MICU1: variants seen among roughly 807,000 people sequenced by gnomAD.
MICU1 encodes calcium uptake protein 1, mitochondrial.
MICU1 carries 45 observed loss-of-function variants against 56.8 expected under a neutral mutation model. The observed-to-expected ratio is 0.79, with a 90% CI of 0.62 to 1.02. The LOEUF (loss-of-function observed/expected upper bound fraction) is 1.02. Ranked by LOEUF, MICU1 falls within the 50% of genes least tolerant of loss-of-function variation. The pLI is 0.00. For synonymous variants in MICU1, 186 were observed against 195.1 expected (o/e 0.95, Z 0.39); for missense variants, 504 against 587.1 (o/e 0.86, Z 1.46).
At chr10:72,587,245 A>G (rs1841086818) in intron 1 of MICU1, among the ~76,000 whole-genome samples, 1 of 152,104 alleles carries the variant, frequency 6.6e-6, no homozygotes, top group African/African-American at 2.4e-5. Context: ...GACTGAGGTA[A>G]GAGGATTGCT....
At chr10:72,395,419 A>C (rs1382968600) in intron 10 of MICU1, among the ~76,000 whole-genome samples, 2 of 152,134 alleles carry the variant, frequency 1.3e-5, no homozygotes, top group East Asian at 3.9e-4. Context: ...GGTTCATCTC[A>C]TTGGGACTGG....
At chr10:72,596,177 G>A (rs182075902) in intron 1 of MICU1, among the ~76,000 whole-genome samples, 17 of 151,958 alleles carry the variant, frequency 1.1e-4, no homozygotes, top group African/African-American at 4.1e-4. Flanking sequence ...GTAGAGATGG[G>A]GTTTCACTGT....
intron 4 of MICU1, among the ~76,000 whole-genome samples, chr10:72,540,816 G>A (rs558002064): frequency 5.9e-5 from 9 of 152,312 alleles, no homozygotes; most frequent in African/African-American, 2.2e-4. Flanking sequence ...TAGCAGATGG[G>A]ACATAAGCAT....
At chr10:72,405,276 A>G (rs1054125253) in intron 10 of MICU1, among the ~76,000 whole-genome samples, 1 of 147,456 alleles carries the variant, frequency 6.8e-6, no homozygotes, top group Non-Finnish European at 1.5e-5. Flanking sequence ...ATGGAGTGCA[A>G]TGGCGCAATC....
chr10:72,585,998 TTTC>T (rs1841041662), intron 1 of MICU1, among the ~76,000 whole-genome samples: 1 of 136,896 alleles, frequency 7.3e-6, no homozygotes, highest in South Asian at 2.3e-4. Flanking sequence ...GTTTTTATTT[TTTC>T]TTTTTTTTTT....
chr10:72,370,802 G>A (rs1366900134), intron 11 of MICU1, among the ~76,000 whole-genome samples: 1 of 152,080 alleles, frequency 6.6e-6, no homozygotes, highest in African/African-American at 2.4e-5. Flanking sequence ...AGGCCGAGGC[G>A]GGCAGATTGC....
chr10:72,403,143 C>A (rs7091303), intron 10 of MICU1, among the ~76,000 whole-genome samples: 2 of 151,868 alleles, frequency 1.3e-5, no homozygotes, highest in Non-Finnish European at 2.9e-5. Context: ...TTTGGGAGGC[C>A]GAGGTGGGTG....
At chr10:72,528,134 T>G (rs960610150) in intron 5 of MICU1, among the ~76,000 whole-genome samples, 1 of 152,182 alleles carries the variant, frequency 6.6e-6, no homozygotes, top group South Asian at 2.1e-4. Context: ...CCCAGAAATT[T>G]CACTTCAAAC....
intron 3 of MICU1, among the ~76,000 whole-genome samples, chr10:72,552,513 C>T (rs1174974186): frequency 2.6e-5 from 4 of 151,896 alleles, no homozygotes; most frequent in African/African-American, 4.8e-5. Flanking sequence ...AGCAATTTAC[C>T]AATGTTAAGA....
intron 8 of MICU1, among the ~76,000 whole-genome samples, chr10:72,435,685 C>T (rs1864688323): frequency 6.6e-6 from 1 of 152,198 alleles, no homozygotes; most frequent in East Asian, 1.9e-4. Flanking sequence ...CACTCCTGCC[C>T]AAATACTGTG....
At chr10:72,374,422 G>A (rs1271087545) in intron 11 of MICU1, among the ~76,000 whole-genome samples, 1 of 152,106 alleles carries the variant, frequency 6.6e-6, no homozygotes, top group Non-Finnish European at 1.5e-5. Context: ...CACCACGCCA[G>A]GCCAAGGCTA....
intron 6 of MICU1, among the ~76,000 whole-genome samples, chr10:72,482,693 G>A (rs1004307852): frequency 6.6e-6 from 1 of 151,588 alleles, no homozygotes; most frequent in African/African-American, 2.4e-5. Context: ...TTATATGATG[G>A]CCCTCTGAAT....
At position 72,440,257 on chromosome 10, in the gene MICU1, T is replaced by G. The variant is rs555159472; in HGVS notation, c.934-16886A>C. Among the ~76,000 whole-genome samples the G allele has an allele frequency of 3.9e-5, 6 of 152,164 alleles. No homozygotes were observed. The South Asian group carries it at 1.2e-3, about 32-fold the overall frequency. ...CAGAAATAACACCATACATCTACAA[T>G]CATCTGATCTTTGACAAACCTGACA... is the stretch of plus-strand genomic sequence containing the variant. On this transcript the variant is annotated intron_variant, in intron 8 of 11. Transcript: ENST00000361114.
At chr10:72,522,238 G>T in intron 5 of MICU1, among the ~76,000 whole-genome samples, 1 of 152,080 alleles carries the variant, frequency 6.6e-6, no homozygotes, top group East Asian at 1.9e-4. Context: ...GAAAAAAGAA[G>T]TTGGCCTGGA....
At chr10:72,524,501 A>AT in intron 5 of MICU1, among the ~76,000 whole-genome samples, 1 of 152,246 alleles carries the variant, frequency 6.6e-6, no homozygotes, top group African/African-American at 2.4e-5. Flanking sequence ...TGTAACACAT[A>AT]ATGTTAAAAC....
At chr10:72,542,447 T>C (rs1839795987) in intron 4 of MICU1, among the ~76,000 whole-genome samples, 1 of 152,186 alleles carries the variant, frequency 6.6e-6, no homozygotes, top group African/African-American at 2.4e-5. Flanking sequence ...CTTGTTTGCT[T>C]AGCCTGCCCC....
intron 8 of MICU1, among the ~76,000 whole-genome samples, chr10:72,439,992 C>G (rs957649717): frequency 6.6e-6 from 1 of 152,118 alleles, no homozygotes; most frequent in African/African-American, 2.4e-5. Context: ...TTTATAGATT[C>G]AATGCCATCC....
At chr10:72,622,901 G>C (rs1261960145) in intron 1 of MICU1, among the ~76,000 whole-genome samples, 1 of 151,948 alleles carries the variant, frequency 6.6e-6, no homozygotes. Context: ...AAAGCACATA[G>C]AATATCCATC....
intron 1 of MICU1, among the ~76,000 whole-genome samples, chr10:72,571,861 A>G (rs547325178): frequency 3.3e-5 from 5 of 152,250 alleles, no homozygotes; most frequent in African/African-American, 1.2e-4. Flanking sequence ...TAAGTCCAAC[A>G]TGGGCAACAT....
Sources: gnomAD v4.1 joint callset for allele counts (sites outside exome capture counted in the v4.1 genomes callset) on GRCh38, gnomAD v4.1.1 for gene constraint, MANE v1.5 for transcripts, NCBI Gene and HGNC (gene_info 2026-07-23, HGNC 2026-07-21) for gene names.